KIN: variants seen among roughly 807,000 people sequenced by gnomAD.
The protein encoded by KIN is Kin17 DNA and RNA binding protein, also known as DNA/RNA-binding protein KIN17.
KIN carries 47 observed loss-of-function variants against 63.0 expected under a neutral mutation model. The observed-to-expected ratio is 0.75, with a 90% CI of 0.59 to 0.95. KIN has a LOEUF of 0.95. KIN is among the 40% of genes least tolerant of loss of function. KIN has a pLI of 0.00. For missense variants in KIN, 408 were observed against 460.9 expected (o/e 0.89, Z 1.05); for synonymous variants, 160 against 157.7 (o/e 1.01, Z -0.11).
In KIN at chr10:7,786,787, A is replaced by C. The variant is rs552500485; in HGVS notation, c.114+1033T>G. Among the ~76,000 whole-genome samples the C allele has an allele frequency of 5.5e-3, 843 of 152,308 alleles. 8 individuals are homozygous for C. The highest frequency in any genetic ancestry group is 0.024 in the South Asian group (114 of 4,826). On this transcript the variant is annotated intron_variant, in intron 1 of 12. Transcript: ENST00000379562. Reference sequence around the variant, plus strand: ...TTCTGTCATTTAAACCACCCAGTCTACTGCACTTTATATGGCAGTCCAAGC... The same window carrying C: ...TTCTGTCATTTAAACCACCCAGTCTCCTGCACTTTATATGGCAGTCCAAGC...
chr10:7,777,841 G>A (rs185202849), intron 5 of KIN, among the ~76,000 whole-genome samples: 3 of 150,400 alleles, frequency 2.0e-5, no homozygotes, highest in African/African-American at 7.4e-5. Flanking sequence ...GGGGGTTGCA[G>A]TCAGCTGAAA....
intron 12 of KIN, among the ~76,000 whole-genome samples, chr10:7,756,347 C>G (rs976752139): frequency 6.6e-6 from 1 of 152,182 alleles, no homozygotes; most frequent in Non-Finnish European, 1.5e-5. Flanking sequence ...TCTGTGACAT[C>G]TGACATACGT....
At chr10:7,760,022 G>C in intron 11 of KIN, 32 bp from the exon 12 acceptor site, 1 of 1,031,582 alleles carries the variant, frequency 9.7e-7, no homozygotes, top group South Asian at 1.5e-5. Context: ...AAATTAATGT[G>C]AAGAAATATC....
intron 7 of KIN, among the ~76,000 whole-genome samples, chr10:7,771,907 AAAAAG>A (rs1186939253): frequency 1.3e-5 from 2 of 151,854 alleles, no homozygotes; most frequent in Non-Finnish European, 2.9e-5. Context: ...AAAAAAAAAA[AAAAAG>A]AAAGAAAGAA....
chr10:7,760,351 G>A (rs944411975), intron 11 of KIN, among the ~76,000 whole-genome samples: 1 of 152,074 alleles, frequency 6.6e-6, no homozygotes, highest in African/African-American at 2.4e-5. Context: ...TGGTTTGGCA[G>A]TTTTACAAAA....
chr10:7,776,223 C>T (rs1416749077), intron 5 of KIN, among the ~76,000 whole-genome samples: 3 of 135,296 alleles, frequency 2.2e-5, no homozygotes, highest in Admixed American at 7.3e-5. Flanking sequence ...GAACGAGACT[C>T]CATCTCAAAA....
intron 7 of KIN, among the ~76,000 whole-genome samples, chr10:7,771,262 C>T (rs1358411431): frequency 1.3e-5 from 2 of 152,158 alleles, no homozygotes; most frequent in Admixed American, 6.5e-5. Flanking sequence ...AAAATAGGCA[C>T]TAATAACCCT....
At chr10:7,784,280 C>T (rs551793534) in intron 1 of KIN, among the ~76,000 whole-genome samples, 2 of 152,128 alleles carry the variant, frequency 1.3e-5, no homozygotes, top group African/African-American at 4.8e-5. Flanking sequence ...AAAATTGCAT[C>T]TCAGTTTAAC....
chr10:7,763,715 G>T lies in KIN; in HGVS notation c.918+8C>A. The T allele has an allele frequency of 6.9e-7, 1 of 1,443,702 alleles. No individual in the cohort carries two copies. Among genetic ancestry groups the T allele is most frequent in the Non-Finnish European group, 9.6e-7 (1 of 1,042,484 alleles). The allele number at this position is 1,443,702 out of a possible 1,614,324, so 89.4% of individuals were successfully genotyped here. Reference sequence around the variant, plus strand: ...TCACAAATTCCATTCATAATTGCACGTCCTTACCTTAACAATAGCCTTTTT... The same window carrying T: ...TCACAAATTCCATTCATAATTGCACTTCCTTACCTTAACAATAGCCTTTTT... On this transcript the variant is annotated splice_region_variant and intron_variant, in intron 10 of 12. Coordinates refer to ENST00000379562, the MANE Select transcript of KIN (RefSeq NM_012311.4).
Position 7,759,947 on chromosome 10 carries a change from T to A in KIN, c.1062A>T (p.Glu354Asp). ...LVLNGGYRGN[E>D]GTLESINEKT... ...TCTCATTGATGGATTCTAGGGTACCTTCATTTCCTCTGTAGCCTCCATTTA... is the reference window on the plus strand; with the variant it reads ...TCTCATTGATGGATTCTAGGGTACCATCATTTCCTCTGTAGCCTCCATTTA... The change falls in exon 12 of 13, where the codon GAA (glutamate) becomes GAT (aspartate). Residue 354 changes from glutamate to aspartate, a missense_variant. This residue lies in a region of KIN where 298 missense variants were observed against 296.0 expected (regional missense o/e 1.01). Coordinates refer to ENST00000379562, the MANE Select transcript of KIN (RefSeq NM_012311.4). 6.4e-7 allele frequency: 1 copy of A among 1,566,302 alleles called. No individual in the cohort carries two copies. The highest frequency in any genetic ancestry group is 1.2e-5 in the South Asian group (1 of 83,748).
rs1380125509 is a variant in KIN, at chr10:7,783,062, A to C, written c.209+19T>G. ...ACTGAATAAAGCCTATAAGATAAAG[A>C]GTTCTTTGAGTTACTTACTCTGAAA... On this transcript the variant is annotated intron_variant, in intron 2 of 12. Transcript: ENST00000379562. The C allele has an allele frequency of 7.5e-7, 1 of 1,337,920 alleles. No individual in the cohort carries two copies. The highest frequency in any genetic ancestry group is 1.1e-6 in the Non-Finnish European group (1 of 947,834). 82.9% of individuals were successfully genotyped at this position (1,337,920 alleles called of 1,614,324 possible). A position where few individuals can be genotyped will look rare whatever the true frequency, so the allele number is the denominator to read the frequency against.
Position 7,759,720 on chromosome 10 carries a change from T to C in KIN, c.1119+170A>G, listed in dbSNP as rs1280909681. 6.9e-6 allele frequency: 3 copies of C among 431,680 alleles called. No homozygotes were observed. In the Admixed American group the frequency reaches 1.3e-4, roughly 19 times the overall value. 26.7% of individuals were successfully genotyped at this position (431,680 alleles called of 1,614,324 possible). On this transcript the variant is annotated intron_variant, in intron 12 of 12. Coordinates refer to ENST00000379562, the MANE Select transcript of KIN (RefSeq NM_012311.4). ...TTTCTTTTATAATCAGAAAATAAAA[T>C]ACTTTAGCAATGGCAGAGTCACTGG...
chr10:7,774,137 C>T (rs924564685), intron 7 of KIN, among the ~76,000 whole-genome samples: 1 of 152,112 alleles, frequency 6.6e-6, no homozygotes, highest in Non-Finnish European at 1.5e-5. Context: ...GACATCTGGC[C>T]GAAAAGCCTA....
intron 8 of KIN, among the ~76,000 whole-genome samples, chr10:7,767,355 A>G (rs1835568084): frequency 6.6e-6 from 1 of 152,170 alleles, no homozygotes; most frequent in Non-Finnish European, 1.5e-5. Flanking sequence ...TTTTGTGATC[A>G]TTCACTGATT....
rs1401645669 is a variant in KIN at position 7,753,561 on chromosome 10, G to T, written c.*2519C>A. ...CTACTATGTGCTGGACTTCATGTCT[G>T]ATGATTTATATGTATTTTCTGTAGG... is the stretch of plus-strand genomic sequence containing the variant. On this transcript the variant is annotated 3_prime_UTR_variant, in exon 13 of 13. Coordinates refer to ENST00000379562, the MANE Select transcript of KIN (RefSeq NM_012311.4). The T allele has an allele frequency of 6.5e-6, 1 of 153,184 alleles. No homozygotes were observed. The highest frequency in any genetic ancestry group is 1.9e-4 in the East Asian group (1 of 5,220). 9.5% of individuals were successfully genotyped at this position (153,184 alleles called of 1,614,324 possible).
intron 12 of KIN, among the ~76,000 whole-genome samples, chr10:7,758,198 G>A (rs113310382): frequency 6.6e-4 from 100 of 151,492 alleles, no homozygotes; most frequent in African/African-American, 2.2e-3. Context: ...TCAGTCTCCC[G>A]AGCTGGGACT....
In KIN at chr10:7,765,167, A is replaced by T. The variant is rs1289447233; in HGVS notation, c.849+886T>A. Among the ~76,000 whole-genome samples, 3 of 151,720 alleles carry T rather than the reference A, an allele frequency of 2.0e-5. No individual in the cohort carries two copies. The East Asian group carries it at 5.8e-4, about 29-fold the overall frequency. ...AGAGCAAAACTCCATCTCAAAAAAA[A>T]AAAAAAAAAAAAATTCGGCACAGTG... On this transcript the variant is annotated intron_variant, in intron 9 of 12. Transcript: ENST00000379562.
intron 5 of KIN, among the ~76,000 whole-genome samples, chr10:7,778,440 C>T (rs543068587): frequency 2.7e-4 from 41 of 152,180 alleles, no homozygotes; most frequent in Admixed American, 5.9e-4. Flanking sequence ...CTTGATTCAA[C>T]GCTGAAAAGA....
chr10:7,768,544 A>T (rs931119627), intron 8 of KIN, among the ~76,000 whole-genome samples: 10 of 151,592 alleles, frequency 6.6e-5, no homozygotes, highest in African/African-American at 2.4e-4. Context: ...CAGCAACCAA[A>T]AAAAAAACAT....
Sources: allele counts gnomAD v4.1 joint callset (sites outside exome capture counted in the v4.1 genomes callset), GRCh38; gene constraint gnomAD v4.1.1; regional missense constraint gnomAD v4.1.1; transcripts MANE v1.5; gene names NCBI Gene and HGNC (gene_info 2026-07-23, HGNC 2026-07-21).